Variants in MIS18A observed in about 807,000 individuals in gnomAD.
MIS18A encodes protein Mis18-alpha.
In MIS18A, 14 loss-of-function variants were observed where a neutral mutation model predicts 25.0. That is an observed-to-expected ratio of 0.56 (90% CI 0.37 to 0.88). MIS18A has a LOEUF of 0.88. Ranked by LOEUF, MIS18A falls within the 40% of genes least tolerant of loss-of-function variation. MIS18A has a pLI of 0.00. For missense variants in MIS18A, 292 were observed against 290.8 expected (o/e 1.00, Z -0.03); for synonymous variants, 134 against 118.6 (o/e 1.13, Z -0.84).
chr21:32,243,506 C>T, the MIS18A span, among the ~76,000 whole-genome samples: 5 of 152,072 alleles, frequency 3.3e-5, no homozygotes, highest in African/African-American at 1.2e-4. Flanking sequence ...TAGGCAGATG[C>T]AAATGAAAAT....
chr21:32,248,794 T>C, the MIS18A span, among the ~76,000 whole-genome samples: 1 of 152,188 alleles, frequency 6.6e-6, no homozygotes, highest in Non-Finnish European at 1.5e-5. Context: ...CCAGCGGAAC[T>C]TCATAGTCTC....
chr21:32,277,443 A>T (rs943992996), intron 1 of MIS18A, among the ~76,000 whole-genome samples: 1 of 152,032 alleles, frequency 6.6e-6, no homozygotes, highest in Non-Finnish European at 1.5e-5. Flanking sequence ...CCTAACCAAA[A>T]ATCTGCTTTT....
chr21:32,258,871 TTTATTTACTTAC>T, the MIS18A span, among the ~76,000 whole-genome samples: 37 of 124,778 alleles, frequency 3.0e-4, no homozygotes, highest in African/African-American at 1.1e-3. Context: ...TATTTATTTA[TTTATTTACTTAC>T]TTACTTACTT....
chr21:32,161,966 A>G, the MIS18A span, among the ~76,000 whole-genome samples: 8 of 151,988 alleles, frequency 5.3e-5, no homozygotes, highest in African/African-American at 1.9e-4. Context: ...ATTAACCTCA[A>G]AATAATTATA....
chr21:32,216,560 G>A, the MIS18A span, among the ~76,000 whole-genome samples: 14 of 152,322 alleles, frequency 9.2e-5, no homozygotes, highest in African/African-American at 3.4e-4. Context: ...GAGCTTAAAA[G>A]GAAAAGCTGG....
chr21:32,204,470 C>T, the MIS18A span, among the ~76,000 whole-genome samples: 1 of 151,462 alleles, frequency 6.6e-6, no homozygotes, highest in Admixed American at 6.6e-5. Context: ...GCACTCCAGC[C>T]TGGGTGACAG....
chr21:32,199,324 A>G, the MIS18A span, among the ~76,000 whole-genome samples: 1 of 152,078 alleles, frequency 6.6e-6, no homozygotes, highest in South Asian at 2.1e-4. Context: ...GACCAACTGG[A>G]GTGGGAGTTG....
chr21:32,189,354 C>T, the MIS18A span, among the ~76,000 whole-genome samples: 2 of 152,226 alleles, frequency 1.3e-5, no homozygotes, highest in African/African-American at 4.8e-5. Context: ...GCATGGCTCA[C>T]TGCAGCCTTG....
At chr21:32,218,976 GA>G in the MIS18A span, among the ~76,000 whole-genome samples, 2 of 150,334 alleles carry the variant, frequency 1.3e-5, no homozygotes, top group African/African-American at 4.9e-5. Flanking sequence ...GCTGAGGCAA[GA>G]AAATTGCTCG....
chr21:32,166,564 T>G, the MIS18A span, among the ~76,000 whole-genome samples: 1 of 152,138 alleles, frequency 6.6e-6, no homozygotes, highest in Admixed American at 6.6e-5. Context: ...TGGCCAAAGC[T>G]GGAACAAATT....
the MIS18A span, among the ~76,000 whole-genome samples, chr21:32,166,957 T>C: frequency 6.6e-6 from 1 of 152,234 alleles, no homozygotes; most frequent in African/African-American, 2.4e-5. Flanking sequence ...TAGTTCACTA[T>C]TTGGATGATG....
At chr21:32,158,905 C>T in the MIS18A span, among the ~76,000 whole-genome samples, 1 of 152,212 alleles carries the variant, frequency 6.6e-6, no homozygotes, top group Non-Finnish European at 1.5e-5. Flanking sequence ...AAATATCTCT[C>T]TTCCTTGAAC....
At position 32,268,632 on chromosome 21, in the gene MIS18A, A is replaced by C. The variant is rs2031648469; in HGVS notation, c.*405T>G. The C allele has an allele frequency of 6.5e-6, 1 of 153,438 alleles. No homozygotes were observed. Among genetic ancestry groups the C allele is most frequent in the Non-Finnish European group, 1.5e-5 (1 of 68,880 alleles). The allele number at this position is 153,438 out of a possible 1,614,324, so 9.5% of individuals were successfully genotyped here. On this transcript the variant is annotated 3_prime_UTR_variant, in exon 5 of 5. Transcript: ENST00000290130. ...TAAAAATAGTAAATAAATGTGATAC[A>C]GAGGAAAAAAAGTTCAGAAAATTAT...
the MIS18A span, among the ~76,000 whole-genome samples, chr21:32,208,606 C>A: frequency 6.6e-6 from 1 of 152,196 alleles, no homozygotes; most frequent in Admixed American, 6.5e-5. Context: ...CAAGCTATTT[C>A]TTTATAGCAA....
the MIS18A span, among the ~76,000 whole-genome samples, chr21:32,168,235 A>G: frequency 6.6e-6 from 1 of 152,222 alleles, no homozygotes. Context: ...CTTCAGAACT[A>G]TGAGAATTAA....
chr21:32,278,435 T>C (rs2031859175), intron 1 of MIS18A: 1 of 529,804 alleles, frequency 1.9e-6, no homozygotes, highest in East Asian at 3.2e-5. Flanking sequence ...ATGCTCACGA[T>C]GATGCTGATT....
the MIS18A span, among the ~76,000 whole-genome samples, chr21:32,178,314 T>C: frequency 1.3e-5 from 2 of 152,244 alleles, no homozygotes; most frequent in African/African-American, 2.4e-5. Flanking sequence ...GACATTTTCA[T>C]AGAAGAAATT....
chr21:32,258,240 G>T, the MIS18A span, among the ~76,000 whole-genome samples: 2 of 152,176 alleles, frequency 1.3e-5, no homozygotes, highest in Non-Finnish European at 2.9e-5. Flanking sequence ...TTAACTTCCA[G>T]TGTAGAATGC....
At chr21:32,265,097 T>C (rs578121822), downstream of MIS18A, among the ~76,000 whole-genome samples, 7 of 152,330 alleles carry the variant, frequency 4.6e-5, no homozygotes, top group South Asian at 2.1e-4. Context: ...GAGATCTGTC[T>C]GAAGCCTCTG....
Sources: allele counts gnomAD v4.1 joint callset (sites outside exome capture counted in the v4.1 genomes callset), GRCh38; gene constraint gnomAD v4.1.1; transcripts MANE v1.5; gene names NCBI Gene and HGNC (gene_info 2026-07-23, HGNC 2026-07-21).